ACOXL: variants seen among roughly 807,000 people sequenced by gnomAD.
ACOXL encodes the protein acyl-coenzyme A oxidase-like protein.
A neutral mutation model predicts 71.9 loss-of-function variants in ACOXL; 70 were observed. The observed-to-expected ratio is 0.97, with a 90% CI of 0.80 to 1.19. The LOEUF is 1.19. ACOXL is among the 50% of genes most tolerant of loss of function. ACOXL has a pLI of 0.00. For missense variants in ACOXL, 703 were observed against 736.3 expected, an observed-to-expected ratio of 0.95 and a Z score of 0.52; for synonymous variants, 253 against 281.6, an observed-to-expected ratio of 0.90 and a Z score of 1.02.
intron 1 of ACOXL, among the ~76,000 whole-genome samples, chr2:110,763,099 A>G (rs1409094266): frequency 3.3e-5 from 5 of 152,242 alleles, no homozygotes; most frequent in African/African-American, 1.2e-4. Flanking sequence ...TTCTATGTTC[A>G]TGGAGAGGAA....
At position 110,840,748 on chromosome 2, in the gene ACOXL, G is replaced by T. The variant is rs546489440; in HGVS notation, c.754-623G>T. ...CCACTTGTTGCTGTGCCCAGCAATT[G>T]CATGCACCATATCTTGATGTCACAC... On this transcript the variant is annotated intron_variant, in intron 9 of 17. Coordinates refer to ENST00000439055, the MANE Select transcript of ACOXL (RefSeq NM_001142807.4). Among the ~76,000 whole-genome samples, 4 of 152,320 alleles carry T rather than the reference G, an allele frequency of 2.6e-5. No individual in the cohort carries two copies. In the East Asian group the frequency reaches 7.7e-4, roughly 29 times the overall value.
At chr2:111,017,753 G>A (rs1330207445) in intron 14 of ACOXL, 1 of 152,344 alleles carries the variant, frequency 6.6e-6, no homozygotes, top group Non-Finnish European at 1.5e-5. Flanking sequence ...TTGGTGACCT[G>A]TTCAGATTCC....
intron 5 of ACOXL, chr2:110,795,565 G>A (rs1399602947): frequency 1.3e-5 from 2 of 152,192 alleles, no homozygotes; most frequent in African/African-American, 2.4e-5. Context: ...GTAACCTTAC[G>A]AAAATGTATT....
intron 10 of ACOXL, among the ~76,000 whole-genome samples, chr2:110,877,923 G>T (rs1377102731): frequency 6.6e-6 from 1 of 152,202 alleles, no homozygotes; most frequent in Admixed American, 6.5e-5. Context: ...CCTTCTTCCT[G>T]AGCAGGTGCT....
chr2:110,860,921 G>A (rs1298760314), intron 10 of ACOXL, among the ~76,000 whole-genome samples: 2 of 152,198 alleles, frequency 1.3e-5, no homozygotes, highest in Admixed American at 6.5e-5. Context: ...TGCTGGAAGC[G>A]AGTGTTACTC....
intron 16 of ACOXL, among the ~76,000 whole-genome samples, chr2:111,053,396 A>C (rs571135771): frequency 6.6e-6 from 1 of 152,266 alleles, no homozygotes; most frequent in East Asian, 1.9e-4. Context: ...TGTGAGTGAA[A>C]GGGGCACCAT....
intron 11 of ACOXL, among the ~76,000 whole-genome samples, chr2:110,927,247 A>G (rs1296053866): frequency 6.6e-6 from 1 of 152,108 alleles, no homozygotes; most frequent in Non-Finnish European, 1.5e-5. Flanking sequence ...CCCATGATTC[A>G]ATCACCTCTC....
Position 111,055,048 on chromosome 2 carries a change from C to T in ACOXL, c.1440+5760C>T, listed in dbSNP as rs550259969. The stretch of plus-strand genomic sequence containing the variant: ...TTAAATTGTCATTGTCATAAAGATT[C>T]TTTCTGCTTCACTTCTTCCAAAGTT... On this transcript the variant is annotated intron_variant, in intron 16 of 17. Transcript: ENST00000439055. Among the ~76,000 whole-genome samples, 4 of 152,324 alleles carry T rather than the reference C, an allele frequency of 2.6e-5. No individual in the cohort carries two copies. In the South Asian group the frequency reaches 8.3e-4, roughly 32 times the overall value.
chr2:110,877,216 A>G (rs1483531783), intron 10 of ACOXL, among the ~76,000 whole-genome samples: 1 of 152,222 alleles, frequency 6.6e-6, no homozygotes, highest in Admixed American at 6.5e-5. Context: ...TTGAGGCGGC[A>G]CGCAGAGGGT....
At chr2:111,003,327 A>G (rs1057139646) in intron 14 of ACOXL, among the ~76,000 whole-genome samples, 3 of 152,024 alleles carry the variant, frequency 2.0e-5, no homozygotes, top group Non-Finnish European at 2.9e-5. Flanking sequence ...AGGCGGGTGG[A>G]TCACGAGGTC....
chr2:111,113,511 C>T (rs1319302002), intron 17 of ACOXL, among the ~76,000 whole-genome samples: 1 of 152,202 alleles, frequency 6.6e-6, no homozygotes, highest in Non-Finnish European at 1.5e-5. Flanking sequence ...CTAAGTAGCT[C>T]CCTTCTGTAC....
chr2:111,036,811 A>G (rs3789085), intron 15 of ACOXL: 63,479 of 151,890 alleles, frequency 0.42, 13,281 homozygotes, highest in Middle Eastern at 0.53. Flanking sequence ...TTGCTTTGAG[A>G]GAGAGCGACG....
intron 14 of ACOXL, among the ~76,000 whole-genome samples, chr2:111,023,940 A>T (rs2064896256): frequency 6.6e-6 from 1 of 152,152 alleles, no homozygotes; most frequent in Non-Finnish European, 1.5e-5. Flanking sequence ...TCACTCAGTG[A>T]ACTGCCACCT....
intron 11 of ACOXL, among the ~76,000 whole-genome samples, chr2:110,932,586 G>T (rs1375652779): frequency 6.6e-6 from 1 of 152,166 alleles, no homozygotes; most frequent in African/African-American, 2.4e-5. Flanking sequence ...CTGCATTGTT[G>T]TAAGGTGCAG....
intron 12 of ACOXL, among the ~76,000 whole-genome samples, chr2:110,938,653 C>T (rs1243218759): frequency 6.6e-6 from 1 of 152,086 alleles, no homozygotes; most frequent in African/African-American, 2.4e-5. Context: ...GACAGATGGA[C>T]AGATAGACTG....
intron 17 of ACOXL, among the ~76,000 whole-genome samples, chr2:111,115,195 A>C (rs149722868): frequency 1.1e-4 from 16 of 152,330 alleles, no homozygotes; most frequent in Admixed American, 2.0e-4. Context: ...ATGGGTCATA[A>C]ACTGGCAGGG....
chr2:110,888,697 C>T (rs1697605434), intron 10 of ACOXL, among the ~76,000 whole-genome samples: 1 of 152,150 alleles, frequency 6.6e-6, no homozygotes, highest in Non-Finnish European at 1.5e-5. Context: ...TTCTACTTTC[C>T]CATTACTTGG....
intron 1 of ACOXL, among the ~76,000 whole-genome samples, chr2:110,739,190 G>A (rs898777987): frequency 6.6e-6 from 1 of 152,210 alleles, no homozygotes; most frequent in Non-Finnish European, 1.5e-5. Context: ...ATAGAAGGCT[G>A]GTTGCAAATG....
intron 10 of ACOXL, among the ~76,000 whole-genome samples, chr2:110,868,890 C>T (rs915110925): frequency 1.3e-5 from 2 of 152,178 alleles, no homozygotes. Flanking sequence ...TGCTTCCAGC[C>T]TGGAGTTTCT....
Sources: gnomAD v4.1 joint callset for allele counts (sites outside exome capture counted in the v4.1 genomes callset) on GRCh38, gnomAD v4.1.1 for gene constraint, MANE v1.5 for transcripts, NCBI Gene and HGNC (gene_info 2026-07-23, HGNC 2026-07-21) for gene names.